Variants in ZNF638 observed in about 807,000 individuals in gnomAD.
The protein encoded by ZNF638 is zinc finger protein 638, also known as CTCL tumor antigen se33-1.
In ZNF638, 46 loss-of-function variants were observed where a neutral mutation model predicts 195.6. The observed-to-expected ratio is 0.24, with a 90% CI of 0.19 to 0.30. The LOEUF (loss-of-function observed/expected upper bound fraction) is 0.30, where lower values mean the gene tolerates loss of function less well. Among genes scored for constraint, ZNF638 ranks in the 10% least tolerant of loss-of-function variants. ZNF638 has a pLI of 1.00. For missense variants in ZNF638, 2,440 were observed against 2,325.3 expected, an observed-to-expected ratio of 1.05 and a Z score of -1.01; for synonymous variants, 845 against 772.0, an observed-to-expected ratio of 1.09 and a Z score of -1.57.
At chr2:71,384,789 C>G (rs924380335) in intron 10 of ZNF638, among the ~76,000 whole-genome samples, 9 of 151,992 alleles carry the variant, frequency 5.9e-5, no homozygotes, top group African/African-American at 1.9e-4. Flanking sequence ...TCTTTTAAAT[C>G]TAAGTATAAA....
chr2:71,348,926 T>G lies in ZNF638; in HGVS notation c.-29T>G, dbSNP rs753787540. 2.5e-6 allele frequency: 4 copies of G among 1,614,072 alleles called. No homozygotes were observed. Among genetic ancestry groups the G allele is most frequent in the East Asian group, 2.2e-5 (1 of 44,894 alleles). On this transcript the variant is annotated 5_prime_UTR_variant, in exon 2 of 28. Coordinates refer to ENST00000264447, the MANE Select transcript of ZNF638 (RefSeq NM_014497.5). Reference sequence around the variant, plus strand: ...CATGGTTCAACACCACCTTATACTTTATTAAATCAGGCTTTCTTGAAAATA... The same window carrying G: ...CATGGTTCAACACCACCTTATACTTGATTAAATCAGGCTTTCTTGAAAATA...
rs1400181843 is a variant in ZNF638 at position 71,399,552 on chromosome 2, T to C, written c.2501-7T>C. On this transcript the variant is annotated splice_region_variant and splice_polypyrimidine_tract_variant and intron_variant, in intron 12 of 27. Coordinates refer to ENST00000264447, the MANE Select transcript of ZNF638 (RefSeq NM_014497.5). ...TTTAGAATAATGGCTGACTGTACTT[T>C]TACAAGCAAAATCTGGTGGAAAGAA... is the stretch of plus-strand genomic sequence containing the variant. The C allele has an allele frequency of 1.2e-6, 2 of 1,608,676 alleles. No individual in the cohort carries two copies. Among genetic ancestry groups the C allele is most frequent in the African/African-American group, 1.3e-5 (1 of 74,506 alleles).
At chr2:71,417,428 AC>A (rs2080322352) in intron 20 of ZNF638, among the ~76,000 whole-genome samples, 1 of 151,550 alleles carries the variant, frequency 6.6e-6, no homozygotes, top group Non-Finnish European at 1.5e-5. Context: ...TGCAGAAATC[AC>A]CCGTCTTCTG....
At chr2:71,355,182 T>C (rs1186815798) in intron 2 of ZNF638, among the ~76,000 whole-genome samples, 1 of 152,026 alleles carries the variant, frequency 6.6e-6, no homozygotes, top group African/African-American at 2.4e-5. Context: ...AGTGTCGATC[T>C]CCTGAACTCG....
Position 71,426,792 on chromosome 2 carries a change from A to C in ZNF638, c.4923A>C (p.Ser1641=). 1 of 1,613,194 alleles carries C rather than the reference A, an allele frequency of 6.2e-7. No homozygotes were observed. The highest frequency in any genetic ancestry group is 1.1e-5 in the South Asian group (1 of 90,914). Residue 1641 remains serine, a synonymous_variant, in exon 24 of 28, where the codon TCA becomes TCC. Transcript: ENST00000264447. ...NMEEMVKNSN[S]LFTLDELIDQ... ...AAGAAATGGTAAAAAATTCAAATTC[A>C]CTTTTTACATTAGATGAATTAATTG...
chr2:71,428,441 T>A, intron 24 of ZNF638, 106 bp from the exon 25 acceptor site: 1 of 947,226 alleles, frequency 1.1e-6, no homozygotes, highest in Non-Finnish European at 1.5e-6. Flanking sequence ...AATTTGGGTA[T>A]TTTTTGCAAA....
intron 6 of ZNF638, among the ~76,000 whole-genome samples, chr2:71,368,029 G>T (rs1483107870): frequency 6.6e-6 from 1 of 152,122 alleles, no homozygotes; most frequent in Non-Finnish European, 1.5e-5. Context: ...ACTTGTTGGT[G>T]GGCCATGTAG....
Position 71,426,957 on chromosome 2 carries a change from G to A in ZNF638, c.5088G>A (p.Glu1696=). ...IGEVEELPLN[E]SADITFATLN... Reference sequence around the variant, plus strand: ...AAGTGGAAGAGCTACCTTTGAATGAGTCAGCAGACATAACTTTTGCCACTT... The same window carrying A: ...AAGTGGAAGAGCTACCTTTGAATGAATCAGCAGACATAACTTTTGCCACTT... Residue 1696 remains glutamate (E), a synonymous_variant, in exon 24 of 28, where the codon GAG becomes GAA. Transcript: ENST00000264447. 1 of 1,613,330 alleles carries A rather than the reference G, an allele frequency of 6.2e-7. No individual in the cohort carries two copies. Among genetic ancestry groups the A allele is most frequent in the Non-Finnish European group, 8.5e-7 (1 of 1,179,734 alleles).
At chr2:71,388,653 C>T (rs141640223) in intron 10 of ZNF638, 864 of 896,712 alleles carry the variant, frequency 9.6e-4, no homozygotes, top group Non-Finnish European at 1.2e-3. Context: ...CAGCTGGTGC[C>T]CCTCGTGAGG....
At chr2:71,352,491 A>T (rs1257877943) in intron 2 of ZNF638, among the ~76,000 whole-genome samples, 1 of 45,758 alleles carries the variant, frequency 2.2e-5, no homozygotes, top group Admixed American at 3.2e-4. Flanking sequence ...AAAAATAAAA[A>T]AAATAAAAAA....
At chr2:71,348,521 A>G (rs1435391496) in intron 1 of ZNF638, 15 of 1,164,108 alleles carry the variant, frequency 1.3e-5, no homozygotes, top group Non-Finnish European at 1.3e-5. Flanking sequence ...CCAGTGCAAC[A>G]CAATGTACAT....
chr2:71,411,225 C>T (rs1490797196), intron 20 of ZNF638, among the ~76,000 whole-genome samples: 2 of 150,856 alleles, frequency 1.3e-5, no homozygotes, highest in Admixed American at 1.3e-4. Context: ...GTCTCGAACT[C>T]CTGACCTCAT....
Position 71,395,197 on chromosome 2 carries a change from AAT to A in ZNF638, c.2378-941_2378-940del, listed in dbSNP as rs1158574107. The A allele has an allele frequency of 1.5e-5, 11 of 716,810 alleles. 1 individual carries two copies. In the Middle Eastern group the frequency reaches 1.8e-3, roughly 119 times the overall value. The allele number at this position is 716,810 out of a possible 1,614,324, so 44.4% of individuals were successfully genotyped here. On this transcript the variant is annotated intron_variant, in intron 10 of 27. Coordinates refer to ENST00000264447, the MANE Select transcript of ZNF638 (RefSeq NM_014497.5). The stretch of plus-strand genomic sequence containing the variant: ...GACCCTCACTCCTTGATTGGAAAAA[AAT>A]ATTACTAATTATACTCATGTTTGTC...
chr2:71,422,677 G>A (rs2080456230), intron 21 of ZNF638, 137 bp from the exon 22 acceptor site: 1 of 827,608 alleles, frequency 1.2e-6, no homozygotes, highest in South Asian at 1.9e-5. Context: ...ATTTCCCAGT[G>A]CTTATTACGA....
intron 23 of ZNF638, among the ~76,000 whole-genome samples, chr2:71,425,930 C>T (rs973730986): frequency 6.6e-6 from 1 of 152,174 alleles, no homozygotes; most frequent in Non-Finnish European, 1.5e-5. Flanking sequence ...GCTGGGATTA[C>T]AGGCATGAGC....
At chr2:71,434,111 T>C (rs761284429) in intron 27 of ZNF638, among the ~76,000 whole-genome samples, 2 of 152,204 alleles carry the variant, frequency 1.3e-5, no homozygotes, top group African/African-American at 4.8e-5. Flanking sequence ...TGGTCTAATA[T>C]CCAAACTTCT....
intron 12 of ZNF638, among the ~76,000 whole-genome samples, chr2:71,399,220 A>G (rs773936718): frequency 7.9e-5 from 12 of 152,274 alleles, no homozygotes; most frequent in South Asian, 2.1e-4. Context: ...AACTAGAGCA[A>G]TCTTTTTAGT....
chr2:71,392,841 A>G lies in ZNF638; in HGVS notation c.2378-3300A>G, dbSNP rs1323650656. The stretch of plus-strand genomic sequence containing the variant: ...AGAGGACTAGAACCTTATCCATTAT[A>G]GCAACAGATGTTACACACGTCCCTA... On this transcript the variant is annotated intron_variant, in intron 10 of 27. Transcript: ENST00000264447. Among the ~76,000 whole-genome samples the G allele has an allele frequency of 2.0e-5, 3 of 152,198 alleles. No homozygotes were observed. The East Asian group carries it at 5.8e-4, about 29-fold the overall frequency.
chr2:71,342,895 A>G (rs370814078), intron 1 of ZNF638, among the ~76,000 whole-genome samples: 1 of 152,104 alleles, frequency 6.6e-6, no homozygotes, highest in Admixed American at 6.5e-5. Context: ...TGTCTTGAAT[A>G]TTATGCCTTT....
Sources: allele counts gnomAD v4.1 joint callset (sites outside exome capture counted in the v4.1 genomes callset), GRCh38; gene constraint gnomAD v4.1.1; transcripts MANE v1.5; gene names NCBI Gene and HGNC (gene_info 2026-07-23, HGNC 2026-07-21).